ANKRD35: variants seen among roughly 807,000 people sequenced by gnomAD.
ANKRD35 encodes ankyrin repeat domain-containing protein 35.
Under a neutral mutation model 109.9 loss-of-function variants are expected in ANKRD35, and 102 were observed. The ratio of observed to expected loss-of-function variants is 0.93; its 90% CI spans 0.79 to 1.09. The LOEUF is 1.09. ANKRD35 is among the 50% of genes least tolerant of loss of function. ANKRD35 has a pLI of 0.00. For missense variants in ANKRD35, 1,240 were observed against 1,230.1 expected (o/e 1.01, Z -0.12); for synonymous variants, 515 against 512.4 (o/e 1.01, Z -0.07).
At chr1:145,877,737 C>T (rs1187174243) in intron 4 of ANKRD35, among the ~76,000 whole-genome samples, 4 of 152,158 alleles carry the variant, frequency 2.6e-5, no homozygotes, top group South Asian at 2.1e-4. Flanking sequence ...ATGACAAAAT[C>T]GATAGTGCCT....
In ANKRD35 at chr1:145,873,504, G is replaced by C; in HGVS notation, c.1265C>G (p.Pro422Arg). 1.2e-6 allele frequency: 2 copies of C among 1,614,026 alleles called. No individual in the cohort carries two copies. Among genetic ancestry groups the C allele is most frequent in the Non-Finnish European group, 8.5e-7 (1 of 1,179,988 alleles). The part of the protein sequence containing the change: ...IQYEVHGRSQ[P>R]EEQGPPQSPA... ...GCTCTGGGGTGGCCCCTGTTCTTCTGGTTGGGACCTTCCATGGACTTCATA... is the reference window on the plus strand; with the variant it reads ...GCTCTGGGGTGGCCCCTGTTCTTCTCGTTGGGACCTTCCATGGACTTCATA... The change falls in exon 10 of 14, where the codon CCA (proline) becomes CGA (arginine). Residue 422 changes from proline to arginine, a missense_variant. By Grantham distance (103) the Pro-to-Arg change is moderately radical. Coordinates refer to ENST00000355594, the MANE Select transcript of ANKRD35 (RefSeq NM_144698.5).
chr1:145,885,672 A>G, intron 1 of ANKRD35, 48 bp downstream of exon 1: 1 of 1,599,232 alleles, frequency 6.3e-7, no homozygotes, highest in East Asian at 2.2e-5. Flanking sequence ...TTCTGTCACC[A>G]CAGAGCTGGG....
intron 10 of ANKRD35, among the ~76,000 whole-genome samples, chr1:145,870,502 G>A (rs1298530599): frequency 1.3e-5 from 2 of 152,064 alleles, no homozygotes; most frequent in African/African-American, 4.8e-5. Context: ...TAAATAACTT[G>A]CCCAAGATCA....
In ANKRD35 at chr1:145,872,919, A is replaced by G; in HGVS notation, c.1850T>C (p.Met617Thr). The change falls in exon 10 of 14, where the codon ATG becomes ACG. Residue 617 changes from methionine (M) to threonine (T), a missense_variant. Physicochemically the swap from Met to Thr is moderately conservative, Grantham distance 81 (BLOSUM62 -1). Coordinates refer to ENST00000355594, the MANE Select transcript of ANKRD35 (RefSeq NM_144698.5). ...GLAKGQLEKE[M>T]SVLRLSNSNL... is the part of the protein sequence containing the mutation. ...ACTGTTGCTCAGTCTCAGTACTGAC[A>G]TCTCCTTCTCCAGCTGTCCCTTTGC... The G allele has an allele frequency of 6.2e-7, 1 of 1,613,172 alleles. No homozygotes were observed. The highest frequency in any genetic ancestry group is 8.5e-7 in the Non-Finnish European group (1 of 1,179,350).
chr1:145,875,595 C>T (rs1654036978), intron 7 of ANKRD35, among the ~76,000 whole-genome samples: 1 of 151,966 alleles, frequency 6.6e-6, no homozygotes, highest in African/African-American at 2.4e-5. Context: ...CTCGCCCAGG[C>T]TGGAGTGCAG....
At chr1:145,881,956 T>A (rs1354133123) in intron 1 of ANKRD35, among the ~76,000 whole-genome samples, 2 of 143,456 alleles carry the variant, frequency 1.4e-5, no homozygotes, top group East Asian at 2.0e-4. Flanking sequence ...CTTCTTTTTT[T>A]TTTTTTTTTT....
At chr1:145,869,242 T>A (rs1279875935) in intron 10 of ANKRD35, among the ~76,000 whole-genome samples, 1 of 152,202 alleles carries the variant, frequency 6.6e-6, no homozygotes, top group Non-Finnish European at 1.5e-5. Flanking sequence ...TAGAGTGCAG[T>A]GACACCATCT....
Position 145,873,739 on chromosome 1 carries a change from G to C in ANKRD35, c.1030C>G (p.Leu344Val), listed in dbSNP as rs1195144993. ...ENQIREQAQE[L>V]GVLLSWEPRA... ...GGCTCCCAGGATAGGAGGACCCCTA[G>C]CTCCTGCGCCTGCTCTCGAATCTGG... The change falls in exon 10 of 14, where the codon CTA (leucine) becomes GTA (valine). Residue 344 changes from leucine to valine, a missense_variant. Coordinates refer to ENST00000355594, the MANE Select transcript of ANKRD35 (RefSeq NM_144698.5). 1.9e-6 allele frequency: 3 copies of C among 1,613,626 alleles called. No individual in the cohort carries two copies. The East Asian group carries it at 6.7e-5, about 36-fold the overall frequency.
In ANKRD35 at chr1:145,873,624, G is replaced by A. The variant is rs1553739426; in HGVS notation, c.1145C>T (p.Thr382Ile). The change falls in exon 10 of 14, where the codon ACA becomes ATA. Residue 382 changes from threonine to isoleucine, a missense_variant. By Grantham distance (89) the Thr-to-Ile change is moderately conservative. Coordinates refer to ENST00000355594, the MANE Select transcript of ANKRD35 (RefSeq NM_144698.5). ...CTGCTGCTGCTTCTTTAGCTCTTGT[G>A]TACTCTCAGCCAGCAGGTCCTTAGG... ...GCPKDLLAESTQELKKQQQAA... is the reference protein window; with the variant it reads ...GCPKDLLAESIQELKKQQQAA... The A allele has an allele frequency of 3.1e-6, 5 of 1,614,048 alleles. No individual in the cohort carries two copies. The Admixed American group carries it at 5.0e-5, about 16-fold the overall frequency.
At position 145,876,172 on chromosome 1, in the gene ANKRD35, G is replaced by T. The variant is rs201831600; in HGVS notation, c.528C>A (p.Gly176=). 7.5e-5 allele frequency: 121 copies of T among 1,613,964 alleles called. No homozygotes were observed. Among genetic ancestry groups the T allele is most frequent in the Admixed American group, 2.5e-4 (15 of 60,008 alleles). ...AAICSQLLQR[G]ARVNVTDKND... Reference sequence around the variant, plus strand: ...TCTTGTCTGTAACATTAACTCGGGCGCCTCGCTGCAGCAGCTGTGAGCAGA... The same window carrying T: ...TCTTGTCTGTAACATTAACTCGGGCTCCTCGCTGCAGCAGCTGTGAGCAGA... Residue 176 remains glycine (G), a synonymous_variant, in exon 7 of 14, where the codon GGC becomes GGA. Transcript: ENST00000355594.
chr1:145,872,581 G>C lies in ANKRD35; in HGVS notation c.2188C>G (p.Arg730Gly). 1.2e-6 allele frequency: 2 copies of C among 1,611,940 alleles called. No homozygotes were observed. The highest frequency in any genetic ancestry group is 1.7e-6 in the Non-Finnish European group (2 of 1,179,062). Reference protein sequence around the residue: ...SKAAESLEELRACISTLVDRH... With the variant: ...SKAAESLEELGACISTLVDRH... ...TCCACCAGGGTGCTGATGCAGGCCC[G>C]CAGCTCCTCCAGGGACTCCGCTGCT... Residue 730 changes from arginine (R) to glycine (G), a missense_variant, in exon 10 of 14, where the codon CGG (arginine) becomes GGG (glycine). Coordinates refer to ENST00000355594, the MANE Select transcript of ANKRD35 (RefSeq NM_144698.5).
At chr1:145,876,914 T>C (rs1462215130) in intron 4 of ANKRD35, 41 bp from the exon 5 acceptor site, 2 of 1,608,924 alleles carry the variant, frequency 1.2e-6, no homozygotes, top group African/African-American at 1.3e-5. Context: ...GAGCTTGGTG[T>C]TAACATCCTC....
chr1:145,872,125 C>T lies in ANKRD35; in HGVS notation c.2644G>A (p.Gly882Arg), dbSNP rs868926914. 1 of 1,610,828 alleles carries T rather than the reference C, an allele frequency of 6.2e-7. No homozygotes were observed. Among genetic ancestry groups the T allele is most frequent in the South Asian group, 1.1e-5 (1 of 90,868 alleles). ...EAVAEERRRS[G>R]DLAAQAAEQE... is the part of the protein sequence containing the mutation. ...TCGGCTGCCTGAGCGGCCAGGTCCC[C>T]GCTCCGGCGGCGCTCCTCGGCCACC... Residue 882 changes from glycine to arginine, a missense_variant, in exon 10 of 14, where the codon GGG becomes AGG. By Grantham distance (125) the Gly-to-Arg change is moderately radical. Transcript: ENST00000355594.
intron 2 of ANKRD35, 54 bp from the exon 3 acceptor site, chr1:145,878,533 T>C: frequency 6.7e-7 from 1 of 1,499,360 alleles, no homozygotes; most frequent in Non-Finnish European, 9.1e-7. Context: ...GGATGAGGAA[T>C]GGGAGAATCT....
intron 12 of ANKRD35, 61 bp from the exon 13 acceptor site, chr1:145,867,453 G>A: frequency 6.9e-7 from 1 of 1,455,972 alleles, no homozygotes; most frequent in Non-Finnish European, 9.6e-7. Flanking sequence ...AGAGAGAGGT[G>A]AGGGAGAGGT....
At chr1:145,871,137 C>CTTTCTTTCT (rs1653795908) in intron 10 of ANKRD35, among the ~76,000 whole-genome samples, 1 of 105,982 alleles carries the variant, frequency 9.4e-6, no homozygotes, top group African/African-American at 3.3e-5. Context: ...TTCTTTCTTT[C>CTTTCTTTCT]TTTCTTTTCT....
intron 10 of ANKRD35, among the ~76,000 whole-genome samples, chr1:145,870,565 C>T (rs10797652): frequency 0.47 from 71,871 of 151,880 alleles, 17,480 homozygotes; most frequent in East Asian, 0.73. Flanking sequence ...TGTTTGCTTT[C>T]ACCCGATTGT....
At chr1:145,869,503 G>T (rs1250969130) in intron 10 of ANKRD35, among the ~76,000 whole-genome samples, 8 of 114,252 alleles carry the variant, frequency 7.0e-5, no homozygotes, top group African/African-American at 2.8e-4. Context: ...TGGAGGCAGG[G>T]TCTCACCTGC....
chr1:145,885,079 G>C (rs1553741672), intron 1 of ANKRD35, among the ~76,000 whole-genome samples: 3 of 152,214 alleles, frequency 2.0e-5, no homozygotes, highest in African/African-American at 7.2e-5. Flanking sequence ...TGCTGTTGTG[G>C]GAGCATCAAT....
Sources: gnomAD v4.1 joint callset for allele counts (sites outside exome capture counted in the v4.1 genomes callset) on GRCh38, gnomAD v4.1.1 for gene constraint, MANE v1.5 for transcripts, NCBI Gene and HGNC (gene_info 2026-07-23, HGNC 2026-07-21) for gene names.